The following PRKCA variants were observed in gnomAD, a reference collection of about 807,000 sequenced individuals.
The protein encoded by PRKCA is protein kinase C alpha type.
A neutral mutation model predicts 87.0 loss-of-function variants in PRKCA; 27 were observed. The ratio of observed to expected loss-of-function variants is 0.31; its 90% CI spans 0.23 to 0.43. The LOEUF (loss-of-function observed/expected upper bound fraction) is 0.43. Among genes scored for constraint, PRKCA ranks in the 20% least tolerant of loss-of-function variants. The probability of loss-of-function intolerance (pLI) is 1.00; values close to 1 mark genes in which losing one functional copy is unlikely to be tolerated. For synonymous variants in PRKCA, 329 were observed against 311.1 expected (o/e 1.06, Z -0.61); for missense variants, 518 against 852.3 (o/e 0.61, Z 4.88).
At chr17:66,512,457 AGTGTGTGTGTGTGT>A (rs71160573) in intron 3 of PRKCA, among the ~76,000 whole-genome samples, 13 of 144,364 alleles carry the variant, frequency 9.0e-5, no homozygotes, top group African/African-American at 1.6e-4. Context: ...CAACAAAAAA[AGTGTGTGTGTGTGT>A]GTGTGTGTGT....
At chr17:66,608,451 C>T (rs74416785) in intron 3 of PRKCA, among the ~76,000 whole-genome samples, 5,637 of 152,206 alleles carry the variant, frequency 0.037, 147 homozygotes, top group East Asian at 0.15. Context: ...AATATTTTCC[C>T]ATCAGTGGCC....
intron 8 of PRKCA, among the ~76,000 whole-genome samples, chr17:66,707,133 A>T (rs773460280): frequency 1.3e-5 from 2 of 152,012 alleles, no homozygotes; most frequent in African/African-American, 4.8e-5. Flanking sequence ...TCATTAATGC[A>T]TCTCAGCCCA....
At chr17:66,375,304 C>T (rs1042620724) in intron 2 of PRKCA, among the ~76,000 whole-genome samples, 6 of 152,244 alleles carry the variant, frequency 3.9e-5, no homozygotes, top group South Asian at 2.1e-4. Flanking sequence ...GCCTGTCACC[C>T]GGAAAAACCC....
chr17:66,624,487 C>T (rs1970787047), intron 3 of PRKCA, among the ~76,000 whole-genome samples: 1 of 152,128 alleles, frequency 6.6e-6, no homozygotes, highest in Non-Finnish European at 1.5e-5. Flanking sequence ...CCACTAGTCA[C>T]CTGTGGTGAT....
chr17:66,574,188 C>T (rs910773224), intron 3 of PRKCA, among the ~76,000 whole-genome samples: 1 of 152,122 alleles, frequency 6.6e-6, no homozygotes, highest in Non-Finnish European at 1.5e-5. Flanking sequence ...TAATCTTGAT[C>T]TGAGAACTTC....
intron 13 of PRKCA, among the ~76,000 whole-genome samples, chr17:66,744,247 A>C (rs1397838664): frequency 6.6e-6 from 1 of 152,230 alleles, no homozygotes; most frequent in Non-Finnish European, 1.5e-5. Flanking sequence ...TAGTACCTAC[A>C]GACATGAGGT....
At chr17:66,445,512 G>T (rs1693414500) in intron 2 of PRKCA, among the ~76,000 whole-genome samples, 1 of 152,214 alleles carries the variant, frequency 6.6e-6, no homozygotes, top group Non-Finnish European at 1.5e-5. Flanking sequence ...AAACCATCCT[G>T]GGAAGAGAAC....
chr17:66,646,270 A>C (rs1418282611), intron 5 of PRKCA, among the ~76,000 whole-genome samples: 1 of 152,134 alleles, frequency 6.6e-6, no homozygotes, highest in Non-Finnish European at 1.5e-5. Context: ...CTGCCACAAC[A>C]TGGCTTTTTC....
chr17:66,551,735 A>G (rs1343279538), intron 3 of PRKCA, among the ~76,000 whole-genome samples: 1 of 152,178 alleles, frequency 6.6e-6, no homozygotes, highest in African/African-American at 2.4e-5. Flanking sequence ...GCAGAACAGT[A>G]AGTTTCACTT....
intron 3 of PRKCA, among the ~76,000 whole-genome samples, chr17:66,633,422 A>C (rs1432894129): frequency 1.3e-5 from 2 of 152,162 alleles, no homozygotes; most frequent in African/African-American, 4.8e-5. Context: ...TATAGTCAGC[A>C]TGTGGGTGAC....
intron 3 of PRKCA, among the ~76,000 whole-genome samples, chr17:66,550,913 C>T (rs1201570209): frequency 6.6e-6 from 1 of 152,166 alleles, no homozygotes; most frequent in Non-Finnish European, 1.5e-5. Flanking sequence ...TGTTACCAAG[C>T]ATAGCTCTTA....
intron 5 of PRKCA, among the ~76,000 whole-genome samples, chr17:66,652,932 C>A: frequency 6.6e-6 from 1 of 152,360 alleles, no homozygotes; most frequent in East Asian, 1.9e-4. Flanking sequence ...TATTCTGCCT[C>A]AACCCAACGC....
At chr17:66,768,413 G>T (rs982981229) in intron 13 of PRKCA, among the ~76,000 whole-genome samples, 19 of 152,088 alleles carry the variant, frequency 1.2e-4, no homozygotes, top group African/African-American at 4.6e-4. Flanking sequence ...TTTGCTTTCT[G>T]GGGTAGGTTT....
chr17:66,646,374 T>A (rs1399229155), intron 5 of PRKCA, among the ~76,000 whole-genome samples: 1 of 152,178 alleles, frequency 6.6e-6, no homozygotes, highest in African/African-American at 2.4e-5. Flanking sequence ...TCCCGTGTCC[T>A]CAAGATGGCT....
chr17:66,654,678 C>T (rs551029235), intron 5 of PRKCA, among the ~76,000 whole-genome samples: 1 of 152,316 alleles, frequency 6.6e-6, no homozygotes, highest in Admixed American at 6.5e-5. Flanking sequence ...GTGGAGGCTA[C>T]TCTGGGATGG....
intron 3 of PRKCA, among the ~76,000 whole-genome samples, chr17:66,602,841 G>A (rs1057230006): frequency 3.3e-5 from 5 of 152,138 alleles, no homozygotes; most frequent in Admixed American, 6.5e-5. Flanking sequence ...GCGCTGTGGG[G>A]GAGCCATGGA....
intron 2 of PRKCA, among the ~76,000 whole-genome samples, chr17:66,389,397 C>T (rs965746309): frequency 2.0e-5 from 3 of 152,182 alleles, no homozygotes; most frequent in African/African-American, 4.8e-5. Flanking sequence ...CAGCTAGACT[C>T]CTGGGGGGTC....
chr17:66,487,459 G>T (rs1288123870), intron 2 of PRKCA, among the ~76,000 whole-genome samples: 1 of 151,136 alleles, frequency 6.6e-6, no homozygotes, highest in East Asian at 2.0e-4. Context: ...CTTGGTTATT[G>T]TGAGTGGTGC....
chr17:66,452,293 G>A (rs1454511187), intron 2 of PRKCA, among the ~76,000 whole-genome samples: 1 of 152,194 alleles, frequency 6.6e-6, no homozygotes, highest in Non-Finnish European at 1.5e-5. Context: ...TAAGGAGCCA[G>A]ACCTCAGATA....
Sources: gnomAD v4.1 joint callset for allele counts (sites outside exome capture counted in the v4.1 genomes callset) on GRCh38, gnomAD v4.1.1 for gene constraint, MANE v1.5 for transcripts, NCBI Gene and HGNC (gene_info 2026-07-23, HGNC 2026-07-21) for gene names.